The following PAN3 variants were observed in gnomAD, a reference collection of about 807,000 sequenced individuals.
PAN3 encodes the protein PAN2-PAN3 deadenylation complex subunit PAN3.
Under a neutral mutation model 96.2 loss-of-function variants are expected in PAN3, and 19 were observed. That is an observed-to-expected ratio of 0.20 (90% confidence interval 0.14 to 0.29). PAN3 has a LOEUF of 0.29. Among genes scored for constraint, PAN3 ranks in the 10% least tolerant of loss-of-function variants. The pLI is 1.00. For synonymous variants in PAN3, 433 were observed against 406.6 expected (o/e 1.06, Z -0.78); for missense variants, 882 against 1,108.1 (o/e 0.80, Z 2.90).
In PAN3 at chr13:28,145,009, C is replaced by T. The variant is rs184167189; in HGVS notation, c.430+5922C>T. On this transcript the variant is annotated intron_variant, in intron 1 of 18. Coordinates refer to ENST00000380958, the MANE Select transcript of PAN3 (RefSeq NM_175854.8). ...CTGGGACTACAGGCGTGAGCCACCG[C>T]GCCTGGCCCAATATCATCCTTTTAT... Among the ~76,000 whole-genome samples, 375 of 152,202 alleles carry T rather than the reference C, an allele frequency of 2.5e-3. 2 individuals carry two copies. Among genetic ancestry groups the T allele is most frequent in the African/African-American group, 8.5e-3 (354 of 41,518 alleles).
intron 1 of PAN3, among the ~76,000 whole-genome samples, chr13:28,145,710 T>C (rs974140080): frequency 6.6e-6 from 1 of 151,262 alleles, no homozygotes; most frequent in Non-Finnish European, 1.5e-5. Flanking sequence ...CCTGCCTTGG[T>C]CTCTGAAGTA....
At chr13:28,195,295 T>C (rs528379228) in intron 4 of PAN3, among the ~76,000 whole-genome samples, 1 of 152,008 alleles carries the variant, frequency 6.6e-6, no homozygotes, top group Non-Finnish European at 1.5e-5. Flanking sequence ...CCCAGCTACT[T>C]GGGAGGCTGA....
chr13:28,241,673 G>T (rs1316960562), intron 6 of PAN3, among the ~76,000 whole-genome samples: 2 of 152,074 alleles, frequency 1.3e-5, no homozygotes, highest in South Asian at 2.1e-4. Flanking sequence ...TAGAATTTGG[G>T]GATATAAACA....
intron 1 of PAN3, among the ~76,000 whole-genome samples, chr13:28,158,164 G>T (rs9554279): frequency 6.6e-5 from 10 of 152,076 alleles, no homozygotes; most frequent in Admixed American, 6.5e-4. Flanking sequence ...ATTGAAACTG[G>T]ACACCTTTGT....
chr13:28,155,942 G>T (rs1872098931), intron 1 of PAN3, among the ~76,000 whole-genome samples: 1 of 152,000 alleles, frequency 6.6e-6, no homozygotes, highest in Non-Finnish European at 1.5e-5. Context: ...ATGGAGAGTG[G>T]TACCAGATAA....
intron 5 of PAN3, chr13:28,214,380 A>C (rs1880468686): frequency 6.3e-6 from 1 of 159,996 alleles, no homozygotes; most frequent in South Asian, 1.8e-4. Flanking sequence ...GAATACTAAT[A>C]AGCAATACAA....
At chr13:28,280,621 G>T in intron 16 of PAN3, 80 bp downstream of exon 16, 1 of 1,287,294 alleles carries the variant, frequency 7.8e-7, no homozygotes, top group Non-Finnish European at 1.0e-6. Context: ...GAGTGCAGTG[G>T]TGCTATCTCG....
At chr13:28,197,607 C>G (rs534693146) in intron 5 of PAN3, among the ~76,000 whole-genome samples, 12 of 152,170 alleles carry the variant, frequency 7.9e-5, no homozygotes, top group African/African-American at 2.4e-4. Flanking sequence ...GAGTCTCACT[C>G]TGTCCCCCAG....
chr13:28,234,974 A>C (rs1882946105), intron 6 of PAN3, among the ~76,000 whole-genome samples: 3 of 152,184 alleles, frequency 2.0e-5, no homozygotes, highest in African/African-American at 7.2e-5. Context: ...TAACAAAAGT[A>C]ATCTTAAATA....
At position 28,185,435 on chromosome 13, in the gene PAN3, G is replaced by A. The variant is rs373037060; in HGVS notation, c.690+7500G>A. Among the ~76,000 whole-genome samples the A allele has an allele frequency of 1.1e-4, 16 of 152,300 alleles. No individual in the cohort carries two copies. The South Asian group carries it at 1.7e-3, about 16-fold the overall frequency. ...AACAGATTAAATTTTGTTTTAACAA[G>A]TGTGAGGTTCAACCATGTACTTCCT... On this transcript the variant is annotated intron_variant, in intron 4 of 18. Transcript: ENST00000380958.
Position 28,176,489 on chromosome 13 carries a change from T to C in PAN3, c.553-4T>C. The C allele has an allele frequency of 6.2e-7, 1 of 1,612,626 alleles. No homozygotes were observed. The highest frequency in any genetic ancestry group is 8.5e-7 in the Non-Finnish European group (1 of 1,178,710). On this transcript the variant is annotated splice_region_variant and splice_polypyrimidine_tract_variant and intron_variant, in intron 2 of 18. Coordinates refer to ENST00000380958, the MANE Select transcript of PAN3 (RefSeq NM_175854.8). ...ATGTTATAAATAAATATTTTGTTTT[T>C]CAGAGAATGACTAATAGTAGCAGCT... is the stretch of plus-strand genomic sequence containing the variant.
chr13:28,285,120 T>G (rs894103218), intron 17 of PAN3, among the ~76,000 whole-genome samples: 4 of 152,216 alleles, frequency 2.6e-5, no homozygotes, highest in Admixed American at 2.6e-4. Flanking sequence ...ATTTCCCCCA[T>G]TCTGTCTTCT....
intron 1 of PAN3, among the ~76,000 whole-genome samples, chr13:28,162,082 C>T (rs60653530): frequency 6.6e-6 from 1 of 152,136 alleles, no homozygotes; most frequent in Non-Finnish European, 1.5e-5. Context: ...GATTTGGCAC[C>T]TAATATCAAC....
chr13:28,156,516 T>C (rs1872184217), intron 1 of PAN3, among the ~76,000 whole-genome samples: 1 of 152,122 alleles, frequency 6.6e-6, no homozygotes, highest in African/African-American at 2.4e-5. Flanking sequence ...ACTGAAACTA[T>C]TCAAAAAAAT....
intron 1 of PAN3, among the ~76,000 whole-genome samples, chr13:28,172,248 G>A (rs1428350240): frequency 6.6e-6 from 1 of 152,198 alleles, no homozygotes; most frequent in Non-Finnish European, 1.5e-5. Flanking sequence ...GAGGTCAGGA[G>A]ATTGAGACCA....
chr13:28,268,089 AG>A (rs1168885564), intron 12 of PAN3, among the ~76,000 whole-genome samples: 1 of 152,220 alleles, frequency 6.6e-6, no homozygotes, highest in Admixed American at 6.5e-5. Flanking sequence ...TTCTTAATAA[AG>A]GTGACTTGGA....
At chr13:28,169,724 A>G (rs555834586) in intron 1 of PAN3, among the ~76,000 whole-genome samples, 2 of 152,220 alleles carry the variant, frequency 1.3e-5, no homozygotes, top group South Asian at 4.2e-4. Context: ...AAACGTAAGT[A>G]TATGCGTGTG....
chr13:28,222,327 G>A (rs1227948823), intron 6 of PAN3, among the ~76,000 whole-genome samples: 1 of 142,504 alleles, frequency 7.0e-6, no homozygotes, highest in Non-Finnish European at 1.6e-5. Flanking sequence ...TAAATTAGCT[G>A]AAAATCTATT....
At chr13:28,175,084 G>T (rs1324131833) in intron 2 of PAN3, among the ~76,000 whole-genome samples, 1 of 152,022 alleles carries the variant, frequency 6.6e-6, no homozygotes, top group African/African-American at 2.4e-5. Context: ...TGTAGAATTG[G>T]AATAAAATTG....
Sources: gnomAD v4.1 joint callset for allele counts (sites outside exome capture counted in the v4.1 genomes callset) on GRCh38, gnomAD v4.1.1 for gene constraint, MANE v1.5 for transcripts, NCBI Gene and HGNC (gene_info 2026-07-23, HGNC 2026-07-21) for gene names.